The following EPX variants were observed in gnomAD, a reference collection of about 807,000 sequenced individuals.
The protein encoded by EPX is eosinophil peroxidase.
EPX carries 60 observed loss-of-function variants against 73.0 expected under a neutral mutation model. The observed-to-expected ratio is 0.82, with a 90% confidence interval of 0.67 to 1.02. The LOEUF is 1.02. EPX is among the 50% of genes least tolerant of loss of function. EPX has a pLI of 0.00. For synonymous variants in EPX, 347 were observed against 389.2 expected (o/e 0.89, Z 1.28); for missense variants, 950 against 973.9 (o/e 0.98, Z 0.33).
intron 9 of EPX, 137 bp from the exon 10 acceptor site, chr17:58,200,088 A>T (rs1968318533): frequency 1.5e-5 from 13 of 845,318 alleles, no homozygotes; most frequent in Non-Finnish European, 2.3e-5. Flanking sequence ...GTCTCTCCAG[A>T]ACTCTGTTTC....
In EPX at chr17:58,197,060, T is replaced by G. The variant is rs751977470; in HGVS notation, c.923T>G (p.Phe308Cys). The change falls in exon 7 of 13, where the codon TTT becomes TGT. Residue 308 changes from phenylalanine to cysteine, a missense_variant. Physicochemically the swap from Phe to Cys is radical, Grantham distance 205. Transcript: ENST00000225371. ...VRNQINALTS[F>C]VDASMVYGSE... ...AACCAGATCAACGCGCTCACCTCCT[T>G]TGTGGACGCCAGCATGGTGTATGGC... The G allele has an allele frequency of 5.0e-6, 8 of 1,614,170 alleles. No homozygotes were observed. Among genetic ancestry groups the G allele is most frequent in the Non-Finnish European group, 6.8e-6 (8 of 1,180,014 alleles).
chr17:58,200,629 C>T (rs930816274), intron 10 of EPX, among the ~76,000 whole-genome samples: 1 of 152,176 alleles, frequency 6.6e-6, no homozygotes, highest in South Asian at 2.1e-4. Flanking sequence ...CACCACAGGA[C>T]CAGCACTTAG....
At chr17:58,197,927 C>T (rs919869233) in intron 7 of EPX, among the ~76,000 whole-genome samples, 1 of 152,180 alleles carries the variant, frequency 6.6e-6, no homozygotes, top group Non-Finnish European at 1.5e-5. Context: ...CCTCTGCCTC[C>T]TGGGTTCAAG....
At chr17:58,199,958 C>T (rs935644840) in intron 9 of EPX, among the ~76,000 whole-genome samples, 164 bp downstream of exon 9, 9 of 152,194 alleles carry the variant, frequency 5.9e-5, no homozygotes, top group African/African-American at 2.2e-4. Context: ...CCCTCAGTCA[C>T]GGGCCTCCCA....
intron 3 of EPX, 32 bp downstream of exon 3, chr17:58,193,578 T>C (rs1369807724): frequency 3.7e-6 from 6 of 1,610,052 alleles, no homozygotes; most frequent in Admixed American, 3.3e-5. Flanking sequence ...CCGCTGGGCC[T>C]ACCCTGGCCT....
At chr17:58,200,733 G>T (rs901917701) in intron 10 of EPX, among the ~76,000 whole-genome samples, 1 of 152,182 alleles carries the variant, frequency 6.6e-6, no homozygotes, top group Non-Finnish European at 1.5e-5. Context: ...TTCCCAACAC[G>T]CTGGCAAGTT....
chr17:58,199,745 T>A lies in EPX; in HGVS notation c.1488T>A (p.His496Gln), dbSNP rs33955150. The A allele has an allele frequency of 2.3e-3, 3,641 of 1,613,952 alleles. 81 individuals carry two copies. The African/African-American group carries it at 0.041, about 18-fold the overall frequency. Residue 496 changes from histidine to glutamine, a missense_variant, in exon 9 of 13, where the codon CAT becomes CAA. His to Gln is a conservative substitution (Grantham distance 24). Transcript: ENST00000225371. ...ACCGGGCCTCCGCACCCAACTCGCA[T>A]GTCCCACTTAGCTCTGCCTTCTTTG... ...SQYRASAPNS[H>Q]VPLSSAFFAS...
chr17:58,200,107 C>T (rs1027696062), intron 9 of EPX, 118 bp from the exon 10 acceptor site: 22 of 973,238 alleles, frequency 2.3e-5, no homozygotes, highest in Non-Finnish European at 3.2e-5. Flanking sequence ...TCCTGACAAA[C>T]GTTACTAACA....
intron 8 of EPX, 66 bp from the exon 9 acceptor site, chr17:58,199,473 C>G: frequency 6.4e-7 from 1 of 1,568,356 alleles, no homozygotes; most frequent in Non-Finnish European, 8.8e-7. Context: ...TCTGAGCCAC[C>G]CTTTGAAAAG....
chr17:58,200,279 G>T lies in EPX; in HGVS notation c.1592G>T (p.Arg531Leu). 1 of 1,614,186 alleles carries T rather than the reference G, an allele frequency of 6.2e-7. No homozygotes were observed. The highest frequency in any genetic ancestry group is 8.5e-7 in the Non-Finnish European group (1 of 1,180,020). ...GLMATPAKLNRQDAMLVDELR... is the reference protein window; with the variant it reads ...GLMATPAKLNLQDAMLVDELR... The stretch of plus-strand genomic sequence containing the variant: ...ATGGCCACCCCTGCCAAGCTGAACC[G>T]TCAGGATGCCATGTTAGTGGATGAG... The change falls in exon 10 of 13, where the codon CGT (arginine) becomes CTT (leucine). Residue 531 changes from arginine (R) to leucine (L), a missense_variant. Coordinates refer to ENST00000225371, the MANE Select transcript of EPX (RefSeq NM_000502.6).
chr17:58,204,001 C>T (rs543617483), intron 11 of EPX, among the ~76,000 whole-genome samples: 1 of 144,874 alleles, frequency 6.9e-6, no homozygotes, highest in African/African-American at 2.6e-5. Flanking sequence ...GTTGGTATTG[C>T]CCGAGTTCAA....
In EPX at chr17:58,197,229, C is replaced by T. The variant is rs553342917; in HGVS notation, c.1092C>T (p.Arg364=). The T allele has an allele frequency of 5.6e-6, 9 of 1,612,856 alleles. No homozygotes were observed. In the Admixed American group the frequency reaches 1.0e-4, roughly 18 times the overall value. ...LHDDPCLLTN[R]SARIPCFLAG... ...ATGACCCCTGTCTCCTCACCAACCG[C>T]TCGGCGCGCATCCCCTGCTTCCTGG... Residue 364 remains arginine, a synonymous_variant, in exon 7 of 13, where the codon CGC becomes CGT. Coordinates refer to ENST00000225371, the MANE Select transcript of EPX (RefSeq NM_000502.6).
In EPX at chr17:58,204,157, A is replaced by G. The variant is rs1428108114; in HGVS notation, c.1947-65A>G. The G allele has an allele frequency of 4.6e-6, 5 of 1,083,430 alleles. No homozygotes were observed. The African/African-American group carries it at 7.7e-5, about 17-fold the overall frequency. 67.1% of individuals were successfully genotyped at this position (1,083,430 alleles called of 1,614,324 possible). On this transcript the variant is annotated intron_variant, in intron 11 of 12. Coordinates refer to ENST00000225371, the MANE Select transcript of EPX (RefSeq NM_000502.6). ...AATATATGTAAAGTACCTGGCACAC[A>G]ACAGGTGCTCATTATAAGGTAATTC...
chr17:58,193,471 G>T lies in EPX; in HGVS notation c.271G>T (p.Asp91Tyr). Residue 91 changes from aspartate to tyrosine, a missense_variant, in exon 3 of 13, where the codon GAT (aspartate) becomes TAT (tyrosine). By Grantham distance (160) the Asp-to-Tyr change is radical. Coordinates refer to ENST00000225371, the MANE Select transcript of EPX (RefSeq NM_000502.6). ...AATRTVVRAA[D>Y]YMHVALGLLE... ...CACCAGGACAGTTGTTCGGGCCGCA[G>T]ATTATATGCATGTGGCTTTGGGGCT... is the stretch of plus-strand genomic sequence containing the variant. The T allele has an allele frequency of 6.2e-7, 1 of 1,614,192 alleles. No homozygotes were observed. Among genetic ancestry groups the T allele is most frequent in the South Asian group, 1.1e-5 (1 of 91,084 alleles).
At chr17:58,202,675 G>C (rs1968357462) in intron 10 of EPX, 1 of 279,592 alleles carries the variant, frequency 3.6e-6, no homozygotes, top group Non-Finnish European at 7.0e-6. Flanking sequence ...CCATTTGTTT[G>C]CTTGTTCATT....
At chr17:58,201,336 G>A (rs1206408114) in intron 10 of EPX, among the ~76,000 whole-genome samples, 3 of 152,196 alleles carry the variant, frequency 2.0e-5, no homozygotes, top group Non-Finnish European at 2.9e-5. Context: ...AAGGAGCTGT[G>A]GGCACCCCCT....
chr17:58,199,604 G>T lies in EPX; in HGVS notation c.1347G>T (p.Gly449=). ...LGKARARRTL[G]HYRGYCSNVD... ...AGGCCCGGGCCAGGAGAACCCTGGG[G>T]CACTACAGGGGGTACTGCTCCAATG... Residue 449 remains glycine, a synonymous_variant, in exon 9 of 13, where the codon GGG becomes GGT. Transcript: ENST00000225371. 5 of 1,614,144 alleles carry T rather than the reference G, an allele frequency of 3.1e-6. No individual in the cohort carries two copies. The highest frequency in any genetic ancestry group is 2.2e-5 in the East Asian group (1 of 44,870).
At chr17:58,202,750 A>G in intron 10 of EPX, 1 of 346,450 alleles carries the variant, frequency 2.9e-6, no homozygotes, top group Non-Finnish European at 5.5e-6. Flanking sequence ...TATTCTGGGT[A>G]CTGTCTTACT....
chr17:58,194,351 A>G (rs542896071), intron 5 of EPX, among the ~76,000 whole-genome samples: 1 of 152,306 alleles, frequency 6.6e-6, no homozygotes, highest in South Asian at 2.1e-4. Flanking sequence ...ATTCATGCTA[A>G]CCATTACGGT....
Sources: gnomAD v4.1 joint callset for allele counts (sites outside exome capture counted in the v4.1 genomes callset) on GRCh38, gnomAD v4.1.1 for gene constraint, MANE v1.5 for transcripts, NCBI Gene and HGNC (gene_info 2026-07-23, HGNC 2026-07-21) for gene names.